The following SGCZ variants were observed in gnomAD, a reference collection of about 807,000 sequenced individuals.
SGCZ encodes zeta-sarcoglycan.
A neutral mutation model predicts 41.3 loss-of-function variants in SGCZ; 40 were observed. That is an observed-to-expected ratio of 0.97 (90% CI 0.75 to 1.26). SGCZ has a LOEUF of 1.26. Ranked by LOEUF, SGCZ falls within the 50% of genes most tolerant of loss-of-function variation. The pLI is 0.00. For missense variants in SGCZ, 552 were observed against 369.8 expected, an observed-to-expected ratio of 1.49 and a Z score of -4.04; for synonymous variants, 206 against 137.5, an observed-to-expected ratio of 1.50 and a Z score of -3.49.
At chr8:14,456,272 G>T (rs1225502733) in intron 2 of SGCZ, among the ~76,000 whole-genome samples, 2 of 152,130 alleles carry the variant, frequency 1.3e-5, no homozygotes, top group Non-Finnish European at 2.9e-5. Context: ...GCCGGGTGTG[G>T]TGGTGCACGC....
intron 1 of SGCZ, among the ~76,000 whole-genome samples, chr8:15,102,406 G>A (rs1486566486): frequency 1.3e-5 from 2 of 152,204 alleles, no homozygotes. Flanking sequence ...TGAGTTTTTA[G>A]GGCAGTGAAA....
At chr8:14,214,251 GTAATTC>G (rs1175482385) in intron 4 of SGCZ, among the ~76,000 whole-genome samples, 2 of 152,060 alleles carry the variant, frequency 1.3e-5, no homozygotes, top group Non-Finnish European at 2.9e-5. Context: ...ACACAAACCA[GTAATTC>G]TCAAAACTGT....
intron 1 of SGCZ, among the ~76,000 whole-genome samples, chr8:14,847,213 T>G (rs1803162389): frequency 6.7e-6 from 1 of 148,870 alleles, no homozygotes; most frequent in Admixed American, 6.7e-5. Context: ...TACAAAAACT[T>G]TTCAAGACAT....
chr8:14,613,805 T>C (rs966032099), intron 1 of SGCZ, among the ~76,000 whole-genome samples: 1 of 152,086 alleles, frequency 6.6e-6, no homozygotes, highest in Non-Finnish European at 1.5e-5. Flanking sequence ...GGCCACTCTT[T>C]TCAAGGAATG....
intron 1 of SGCZ, among the ~76,000 whole-genome samples, chr8:15,023,554 G>C (rs1311005261): frequency 6.6e-6 from 1 of 152,134 alleles, no homozygotes; most frequent in Non-Finnish European, 1.5e-5. Context: ...TGTCTGAAAT[G>C]TTTGCCACCA....
intron 1 of SGCZ, among the ~76,000 whole-genome samples, chr8:14,640,673 T>C (rs1806994401): frequency 6.6e-6 from 1 of 151,018 alleles, no homozygotes; most frequent in Admixed American, 6.6e-5. Context: ...TGTGTGTGTG[T>C]ATATATTTGC....
chr8:14,108,266 T>C (rs1032448204), intron 5 of SGCZ, 31 bp from the exon 6 acceptor site: 5 of 1,598,372 alleles, frequency 3.1e-6, no homozygotes, highest in East Asian at 4.5e-5. Flanking sequence ...GCAGTCAGTA[T>C]AAGCAAGTCC....
chr8:14,239,466 T>C lies in SGCZ; in HGVS notation c.337-1787A>G, dbSNP rs193015321. Among the ~76,000 whole-genome samples, 127 of 152,310 alleles carry C rather than the reference T, an allele frequency of 8.3e-4. No homozygotes were observed. The Middle Eastern group carries it at 0.017, about 20-fold the overall frequency. On this transcript the variant is annotated intron_variant, in intron 3 of 7. Transcript: ENST00000382080. ...TCACTTTCTCTCAATATTTGTATGA[T>C]ATAGCATACATGAGTTTGGTTTAGA...
intron 1 of SGCZ, among the ~76,000 whole-genome samples, chr8:14,901,172 GCAACTTTTAGTTGGGAGA>G (rs1798954220): frequency 6.6e-6 from 1 of 152,164 alleles, no homozygotes; most frequent in African/African-American, 2.4e-5. Context: ...AGATCAAATT[GCAACTTTTAGTTGGGAGA>G]CTCTTCTATT....
chr8:14,552,274 G>T (rs1803895151), intron 2 of SGCZ, among the ~76,000 whole-genome samples: 1 of 152,006 alleles, frequency 6.6e-6, no homozygotes, highest in Admixed American at 6.6e-5. Flanking sequence ...CAGGATTGCT[G>T]AAGTCTGCAA....
At chr8:14,803,068 T>C (rs1401206318) in intron 1 of SGCZ, among the ~76,000 whole-genome samples, 9 of 152,214 alleles carry the variant, frequency 5.9e-5, no homozygotes, top group African/African-American at 2.2e-4. Flanking sequence ...CCTGTATTAC[T>C]AAATTATTTT....
At chr8:14,731,997 A>T (rs1798868582) in intron 1 of SGCZ, among the ~76,000 whole-genome samples, 1 of 152,230 alleles carries the variant, frequency 6.6e-6, no homozygotes, top group Non-Finnish European at 1.5e-5. Flanking sequence ...ATTAAAGGAA[A>T]CCAGGAGTTA....
intron 1 of SGCZ, among the ~76,000 whole-genome samples, chr8:14,583,578 C>G (rs912208665): frequency 1.3e-5 from 2 of 152,046 alleles, no homozygotes; most frequent in Non-Finnish European, 2.9e-5. Context: ...GAAGTCCTTG[C>G]CCATGCCTAT....
intron 2 of SGCZ, among the ~76,000 whole-genome samples, chr8:14,470,573 A>AGATTT (rs1342956032): frequency 1.3e-5 from 2 of 152,150 alleles, no homozygotes; most frequent in Non-Finnish European, 2.9e-5. Flanking sequence ...AATTGCTTGA[A>AGATTT]AAAATCATGT....
chr8:14,108,383 A>T (rs1802273057), intron 5 of SGCZ, 148 bp from the exon 6 acceptor site: 2 of 653,402 alleles, frequency 3.1e-6, no homozygotes, highest in Non-Finnish European at 5.3e-6. Flanking sequence ...CACTGCTGAT[A>T]AAGACATATC....
At chr8:15,065,733 G>A (rs1411975946) in intron 1 of SGCZ, among the ~76,000 whole-genome samples, 1 of 151,938 alleles carries the variant, frequency 6.6e-6, no homozygotes, top group Admixed American at 6.6e-5. Flanking sequence ...ACACTCAGAT[G>A]GTATTGTAAT....
intron 3 of SGCZ, among the ~76,000 whole-genome samples, chr8:14,286,988 AC>A (rs1800658129): frequency 6.6e-6 from 1 of 151,778 alleles, no homozygotes; most frequent in South Asian, 2.1e-4. Context: ...TTTTTCCCCT[AC>A]TTGTGCATAT....
intron 7 of SGCZ, among the ~76,000 whole-genome samples, chr8:14,099,569 A>C (rs1052387818): frequency 6.6e-6 from 1 of 152,112 alleles, no homozygotes; most frequent in Non-Finnish European, 1.5e-5. Context: ...TTCTAAAAGT[A>C]CAAATATTAG....
intron 2 of SGCZ, among the ~76,000 whole-genome samples, chr8:14,375,111 TAGAC>T (rs77420529): frequency 0.19 from 28,498 of 150,154 alleles, 3,321 homozygotes; most frequent in Non-Finnish European, 0.27. Flanking sequence ...GATAGATAGA[TAGAC>T]AGACAGACAG....
Sources: allele counts gnomAD v4.1 joint callset (sites outside exome capture counted in the v4.1 genomes callset), GRCh38; gene constraint gnomAD v4.1.1; transcripts MANE v1.5; gene names NCBI Gene and HGNC (gene_info 2026-07-23, HGNC 2026-07-21).